The following SORCS3 variants were observed in gnomAD, a reference collection of about 807,000 sequenced individuals.
SORCS3 encodes the protein sortilin related VPS10 domain containing receptor 3, also known as VPS10 domain-containing receptor SorCS3.
Under a neutral mutation model 146.3 loss-of-function variants are expected in SORCS3, and 57 were observed. The ratio of observed to expected loss-of-function variants is 0.39; its 90% CI spans 0.31 to 0.49. The LOEUF is 0.49. Ranked by LOEUF, SORCS3 falls within the 20% of genes least tolerant of loss-of-function variation. The probability of loss-of-function intolerance (pLI) is 0.92; values close to 1 mark genes in which losing one functional copy is unlikely to be tolerated. For synonymous variants in SORCS3, 653 were observed against 618.5 expected, an observed-to-expected ratio of 1.06 and a Z score of -0.83; for missense variants, 1,341 against 1,575.5, an observed-to-expected ratio of 0.85 and a Z score of 2.52.
chr10:105,041,071 G>GTATGTATA (rs144129262), intron 4 of SORCS3, among the ~76,000 whole-genome samples: 39,833 of 136,352 alleles, frequency 0.29, 7,462 homozygotes, highest in African/African-American at 0.55. Flanking sequence ...AAATATATAT[G>GTATGTATA]TATGTATGTA....
At chr10:104,835,997 G>A (rs1189744066) in intron 1 of SORCS3, among the ~76,000 whole-genome samples, 2 of 152,214 alleles carry the variant, frequency 1.3e-5, no homozygotes, top group East Asian at 3.9e-4. Flanking sequence ...GCACATGCAG[G>A]AGTGTGCGTC....
chr10:104,705,486 AACTAAACTTTG>A (rs1254575691), intron 1 of SORCS3, among the ~76,000 whole-genome samples: 2 of 152,336 alleles, frequency 1.3e-5, no homozygotes, highest in African/African-American at 4.8e-5. Context: ...CAAAACATTT[AACTAAACTTTG>A]ACAGAAGCTT....
chr10:104,962,067 C>T (rs557697878), intron 3 of SORCS3, among the ~76,000 whole-genome samples: 47 of 151,408 alleles, frequency 3.1e-4, no homozygotes, highest in Admixed American at 5.9e-4. Flanking sequence ...AACATAAAAT[C>T]GCAGTTCAAT....
intron 20 of SORCS3, among the ~76,000 whole-genome samples, chr10:105,242,255 CAT>C (rs1193499606): frequency 7.3e-6 from 1 of 137,176 alleles, no homozygotes; most frequent in Non-Finnish European, 1.5e-5. Context: ...TATATTTATA[CAT>C]ATATTTATAT....
chr10:104,707,439 G>A (rs1479163944), intron 1 of SORCS3, among the ~76,000 whole-genome samples: 2 of 152,118 alleles, frequency 1.3e-5, no homozygotes, highest in Non-Finnish European at 1.5e-5. Flanking sequence ...GGTAGTAATT[G>A]AGATCTAAAG....
intron 26 of SORCS3, 141 bp downstream of exon 26, chr10:105,262,632 T>C: frequency 1.2e-6 from 1 of 858,730 alleles, no homozygotes; most frequent in South Asian, 2.6e-5. Flanking sequence ...TTTAAATTTG[T>C]CTGCCACCTC....
chr10:105,017,140 AG>A (rs1244569059), intron 4 of SORCS3, among the ~76,000 whole-genome samples: 2 of 147,602 alleles, frequency 1.4e-5, no homozygotes, highest in African/African-American at 2.6e-5. Context: ...GTTATAATGA[AG>A]GGGATTTTTT....
intron 4 of SORCS3, among the ~76,000 whole-genome samples, chr10:105,023,459 C>T (rs2055209455): frequency 6.6e-6 from 1 of 152,046 alleles, no homozygotes; most frequent in Non-Finnish European, 1.5e-5. Flanking sequence ...GGGGGAGCCT[C>T]CTTTCTGAGT....
At chr10:105,218,602 C>T (rs1329880215) in intron 19 of SORCS3, among the ~76,000 whole-genome samples, 6 of 152,202 alleles carry the variant, frequency 3.9e-5, no homozygotes, top group East Asian at 1.9e-4. Context: ...GTGATGTGCA[C>T]GGTGTTCATG....
intron 1 of SORCS3, among the ~76,000 whole-genome samples, chr10:104,737,487 G>A (rs1032309265): frequency 2.6e-5 from 4 of 152,152 alleles, no homozygotes; most frequent in Admixed American, 2.0e-4. Context: ...GGTGTGAGAT[G>A]GTATCTCATT....
At chr10:104,653,448 C>G (rs1406847152) in intron 1 of SORCS3, among the ~76,000 whole-genome samples, 1 of 151,698 alleles carries the variant, frequency 6.6e-6, no homozygotes, top group African/African-American at 2.4e-5. Flanking sequence ...TTTTTGGATC[C>G]CATTCCTCTG....
chr10:104,703,496 C>T (rs774970291), intron 1 of SORCS3, among the ~76,000 whole-genome samples: 13 of 150,936 alleles, frequency 8.6e-5, no homozygotes, highest in Admixed American at 3.3e-4. Flanking sequence ...CAAACTAACA[C>T]AGGAACAGAA....
chr10:104,938,416 T>A (rs2019280704), intron 3 of SORCS3, among the ~76,000 whole-genome samples: 1 of 152,228 alleles, frequency 6.6e-6, no homozygotes, highest in Non-Finnish European at 1.5e-5. Context: ...TTAAAGCTCC[T>A]TCGTAATGTA....
chr10:104,681,191 T>C (rs1564657561), intron 1 of SORCS3, among the ~76,000 whole-genome samples: 1 of 152,220 alleles, frequency 6.6e-6, no homozygotes, highest in Non-Finnish European at 1.5e-5. Context: ...ATGGGGATTT[T>C]CTCCAAGTAA....
chr10:105,143,505 G>A (rs2056109529), intron 8 of SORCS3, among the ~76,000 whole-genome samples: 1 of 152,070 alleles, frequency 6.6e-6, no homozygotes, highest in South Asian at 2.1e-4. Flanking sequence ...CTTCTAGTCT[G>A]CACTTTATAG....
chr10:105,263,598 T>C lies in SORCS3; in HGVS notation c.*224T>C. On this transcript the variant is annotated 3_prime_UTR_variant, in exon 27 of 27. Coordinates refer to ENST00000369701, the MANE Select transcript of SORCS3 (RefSeq NM_014978.3). ...CTGTATTTGTGCTAAGAGCAAAGGA[T>C]GCATCTTCCCACAGCCTCCTCGCTT... 1.9e-6 allele frequency: 1 copy of C among 516,184 alleles called. No individual in the cohort carries two copies. Among genetic ancestry groups the C allele is most frequent in the East Asian group, 3.1e-5 (1 of 31,776 alleles). 32.0% of individuals were successfully genotyped at this position (516,184 alleles called of 1,614,324 possible). A position where few individuals can be genotyped will look rare whatever the true frequency, so the allele number is the denominator to read the frequency against.
chr10:104,703,705 T>A (rs1440787203), intron 1 of SORCS3, among the ~76,000 whole-genome samples: 1 of 106,770 alleles, frequency 9.4e-6, no homozygotes, highest in Non-Finnish European at 1.9e-5. Flanking sequence ...TCTGCACATG[T>A]ATCCTGTTTT....
At position 104,920,312 on chromosome 10, in the gene SORCS3, G is replaced by T. The variant is rs572021070; in HGVS notation, c.795+4380G>T. On this transcript the variant is annotated intron_variant, in intron 3 of 26. Transcript: ENST00000369701. ...AAATTGAGTTTGTATTCATGTAGTT[G>T]CTCCCAAAGCTAATTGTTGATTTTT... Among the ~76,000 whole-genome samples the T allele has an allele frequency of 2.6e-5, 4 of 152,292 alleles. No homozygotes were observed. The East Asian group carries it at 7.7e-4, about 29-fold the overall frequency.
intron 9 of SORCS3, among the ~76,000 whole-genome samples, chr10:105,154,069 GAAAAAAA>G (rs59868914): frequency 3.9e-5 from 3 of 76,156 alleles, no homozygotes; most frequent in South Asian, 5.5e-4. Context: ...GACTCCATCT[GAAAAAAA>G]AAAAAAAAAA....
Sources: allele counts gnomAD v4.1 joint callset (sites outside exome capture counted in the v4.1 genomes callset), GRCh38; gene constraint gnomAD v4.1.1; transcripts MANE v1.5; gene names NCBI Gene and HGNC (gene_info 2026-07-23, HGNC 2026-07-21).